COL25A1: variants seen among roughly 807,000 people sequenced by gnomAD.
The protein encoded by COL25A1 is collagen type XXV alpha 1 chain, also known as collagen alpha-1(XXV) chain.
Under a neutral mutation model 128.4 loss-of-function variants are expected in COL25A1, and 103 were observed. The observed-to-expected ratio is 0.80, with a 90% confidence interval of 0.68 to 0.94. The LOEUF is 0.94. Ranked by LOEUF, COL25A1 falls within the 40% of genes least tolerant of loss-of-function variation. The pLI is 0.00. For synonymous variants in COL25A1, 279 were observed against 277.2 expected (o/e 1.01, Z -0.06); for missense variants, 745 against 840.0 (o/e 0.89, Z 1.40).
At chr4:109,023,269 C>T (rs1436395004) in intron 5 of COL25A1, among the ~76,000 whole-genome samples, 1 of 152,184 alleles carries the variant, frequency 6.6e-6, no homozygotes, top group Non-Finnish European at 1.5e-5. Context: ...ATATGCCAGA[C>T]ATTTGTGCAG....
chr4:109,097,437 T>TAAAA (rs35833171), intron 3 of COL25A1, among the ~76,000 whole-genome samples: 1 of 117,118 alleles, frequency 8.5e-6, no homozygotes, highest in Non-Finnish European at 1.8e-5. Flanking sequence ...AAACCCTGTC[T>TAAAA]AAAAAAAAAA....
intron 10 of COL25A1, among the ~76,000 whole-genome samples, chr4:108,938,628 G>A (rs1747714027): frequency 6.6e-6 from 1 of 152,102 alleles, no homozygotes; most frequent in Admixed American, 6.6e-5. Context: ...AGGCCGAGGT[G>A]GGCAGATCAC....
At chr4:109,197,387 ATCTC>A (rs1423005816) in intron 3 of COL25A1, among the ~76,000 whole-genome samples, 17 of 127,464 alleles carry the variant, frequency 1.3e-4, no homozygotes, top group Middle Eastern at 3.7e-3. Flanking sequence ...ATAATATATA[ATCTC>A]TCTATTATAT....
chr4:109,108,765 A>AT (rs869285180), intron 3 of COL25A1, among the ~76,000 whole-genome samples: 1 of 148,110 alleles, frequency 6.8e-6, no homozygotes, highest in Admixed American at 6.7e-5. Context: ...ATGGTTTTTT[A>AT]TTATTTTTTT....
chr4:108,834,052 T>C (rs1560718179), intron 31 of COL25A1, among the ~76,000 whole-genome samples: 1 of 152,210 alleles, frequency 6.6e-6, no homozygotes, highest in Non-Finnish European at 1.5e-5. Flanking sequence ...AAAATTCATG[T>C]GGAATTCTAA....
At chr4:108,890,960 A>T (rs1578674605) in intron 16 of COL25A1, among the ~76,000 whole-genome samples, 1 of 152,190 alleles carries the variant, frequency 6.6e-6, no homozygotes, top group East Asian at 1.9e-4. Flanking sequence ...ACTCCGTAGC[A>T]TCATGCTCTG....
At chr4:108,991,297 T>C (rs1160224867) in intron 6 of COL25A1, among the ~76,000 whole-genome samples, 1 of 152,078 alleles carries the variant, frequency 6.6e-6, no homozygotes, top group Non-Finnish European at 1.5e-5. Flanking sequence ...AATTCTAAGA[T>C]AAAATTAAAC....
At chr4:109,255,178 A>G (rs368770274) in intron 3 of COL25A1, among the ~76,000 whole-genome samples, 1 of 152,230 alleles carries the variant, frequency 6.6e-6, no homozygotes, top group African/African-American at 2.4e-5. Flanking sequence ...TATGAATATG[A>G]ATTTGTAATT....
chr4:109,125,102 T>C (rs995214608), intron 3 of COL25A1, among the ~76,000 whole-genome samples: 5 of 152,100 alleles, frequency 3.3e-5, no homozygotes, highest in Non-Finnish European at 7.4e-5. Context: ...AAAGACTCTA[T>C]TTTCTGATAG....
chr4:109,190,707 A>G (rs1291109117), intron 3 of COL25A1, among the ~76,000 whole-genome samples: 1 of 152,324 alleles, frequency 6.6e-6, no homozygotes, highest in Middle Eastern at 3.4e-3. Flanking sequence ...TATGCAGTGG[A>G]TGGATGCAAT....
chr4:109,284,008 GTC>G (rs1184292705), intron 3 of COL25A1, among the ~76,000 whole-genome samples: 1 of 152,200 alleles, frequency 6.6e-6, no homozygotes, highest in Non-Finnish European at 1.5e-5. Flanking sequence ...ATATTCTCCA[GTC>G]TGGAGATTCA....
chr4:109,267,912 T>C (rs1032214155), intron 3 of COL25A1, among the ~76,000 whole-genome samples: 1 of 152,208 alleles, frequency 6.6e-6, no homozygotes, highest in South Asian at 2.1e-4. Context: ...CGTTTGGATC[T>C]AGTCTATATT....
intron 16 of COL25A1, among the ~76,000 whole-genome samples, chr4:108,891,659 G>C (rs2125848167): frequency 6.6e-6 from 1 of 151,460 alleles, no homozygotes; most frequent in Non-Finnish European, 1.5e-5. Flanking sequence ...TATCAAAGCA[G>C]CTAGAGGTTA....
chr4:108,945,733 G>A (rs1453250185), intron 8 of COL25A1, among the ~76,000 whole-genome samples: 6 of 152,042 alleles, frequency 3.9e-5, no homozygotes, highest in Admixed American at 6.5e-5. Context: ...GCGCGATCTC[G>A]GCTCACTGCA....
intron 3 of COL25A1, among the ~76,000 whole-genome samples, chr4:109,178,309 AC>A (rs1422136921): frequency 6.6e-6 from 1 of 152,210 alleles, no homozygotes; most frequent in Non-Finnish European, 1.5e-5. Context: ...ATGGGCCCAT[AC>A]TTTTTTAAAA....
At chr4:108,989,890 C>G (rs532348627) in intron 6 of COL25A1, among the ~76,000 whole-genome samples, 5 of 152,016 alleles carry the variant, frequency 3.3e-5, no homozygotes, top group Non-Finnish European at 7.4e-5. Context: ...ATAAAATTAG[C>G]CTATCAAGAA....
chr4:109,089,840 A>G (rs1764741357), intron 3 of COL25A1, among the ~76,000 whole-genome samples: 3 of 152,116 alleles, frequency 2.0e-5, no homozygotes, highest in African/African-American at 7.2e-5. Flanking sequence ...TCTGCATTCA[A>G]GCAATCTGCC....
intron 3 of COL25A1, among the ~76,000 whole-genome samples, chr4:109,116,347 G>C (rs1421747292): frequency 1.3e-5 from 2 of 152,036 alleles, no homozygotes; most frequent in African/African-American, 4.8e-5. Context: ...TTTTCACAGA[G>C]CATAGCCTGT....
intron 6 of COL25A1, 92 bp from the exon 7 acceptor site, chr4:108,974,651 G>A (rs973587716): frequency 3.2e-5 from 33 of 1,034,020 alleles, no homozygotes; most frequent in Non-Finnish European, 4.4e-5. Context: ...TTCATTCAAA[G>A]AATACAGAGA....
Sources: allele counts gnomAD v4.1 joint callset (sites outside exome capture counted in the v4.1 genomes callset), GRCh38; gene constraint gnomAD v4.1.1; transcripts MANE v1.5; gene names NCBI Gene and HGNC (gene_info 2026-07-23, HGNC 2026-07-21).